DIXDC1: variants seen among roughly 807,000 people sequenced by gnomAD.
The protein encoded by DIXDC1 is DIX domain containing 1.
Under a neutral mutation model 103.1 loss-of-function variants are expected in DIXDC1, and 64 were observed. That is an observed-to-expected ratio of 0.62 (90% confidence interval 0.51 to 0.76). The LOEUF (loss-of-function observed/expected upper bound fraction) is 0.76, where lower values mean the gene tolerates loss of function less well. DIXDC1 is among the 30% of genes least tolerant of loss of function. DIXDC1 has a pLI of 0.00. For synonymous variants in DIXDC1, 266 were observed against 298.5 expected (o/e 0.89, Z 1.12); for missense variants, 759 against 834.2 (o/e 0.91, Z 1.11).
rs114428192 is a variant in DIXDC1, at chr11:112,016,758, C to T, written c.1824C>T (p.Asp608=). 2.1e-3 allele frequency: 3,455 copies of T among 1,609,598 alleles called. 49 individuals are homozygous for T. The African/African-American group carries it at 0.036, about 17-fold the overall frequency. Residue 608 remains aspartate, a synonymous_variant, in exon 18 of 20, where the codon GAC becomes GAT. Transcript: ENST00000440460. ...GTACTAAAGTGCTCTATTTCACTGA[C>T]CGGTCACTTACGCCCTTCATGGTCA... ...STCTKVLYFT[D]RSLTPFMVNI... is the part of the protein sequence containing the mutation.
intron 1 of DIXDC1, among the ~76,000 whole-genome samples, chr11:111,954,078 C>T (rs1966866674): frequency 1.3e-5 from 2 of 152,072 alleles, no homozygotes. Flanking sequence ...GTGATTCACA[C>T]ACATTACATT....
chr11:111,936,847 T>A (rs1345959992), upstream of DIXDC1, among the ~76,000 whole-genome samples: 1 of 98,454 alleles, frequency 1.0e-5, no homozygotes, highest in East Asian at 2.4e-4. Context: ...AAGTTAGCAG[T>A]GTGTGTGTGT....
intron 17 of DIXDC1, among the ~76,000 whole-genome samples, chr11:112,002,053 G>T (rs1477400298): frequency 1.3e-5 from 2 of 152,008 alleles, no homozygotes; most frequent in Non-Finnish European, 2.9e-5. Context: ...CACTGCGCCT[G>T]GCTTGAGATT....
At position 112,020,145 on chromosome 11, in the gene DIXDC1, T is replaced by C. The variant is rs1237315897; in HGVS notation, c.*1109T>C. The C allele has an allele frequency of 6.6e-6, 1 of 152,472 alleles. No individual in the cohort carries two copies. The highest frequency in any genetic ancestry group is 1.5e-5 in the Non-Finnish European group (1 of 68,032). 9.4% of individuals were successfully genotyped at this position (152,472 alleles called of 1,614,324 possible). On this transcript the variant is annotated 3_prime_UTR_variant, in exon 20 of 20. Transcript: ENST00000440460. ...TCTGGGTAAAAAAAACCTAGAATCATTTCTGATGTGCAACATTGTCAAGTG... is the reference window on the plus strand; with the variant it reads ...TCTGGGTAAAAAAAACCTAGAATCACTTCTGATGTGCAACATTGTCAAGTG...
At position 112,016,775 on chromosome 11, in the gene DIXDC1, T is replaced by A; in HGVS notation, c.1841T>A (p.Phe614Tyr). ...TTCACTGACCGGTCACTTACGCCCT[T>A]CATGGTCAATATACCAAAGAGGTGA... ...LYFTDRSLTP[F>Y]MVNIPKRLEE... The change falls in exon 18 of 20, where the codon TTC (phenylalanine) becomes TAC (tyrosine). Residue 614 changes from phenylalanine (F) to tyrosine (Y), a missense_variant. Transcript: ENST00000440460. 1 of 1,607,476 alleles carries A rather than the reference T, an allele frequency of 6.2e-7. No homozygotes were observed. Among genetic ancestry groups the A allele is most frequent in the Non-Finnish European group, 8.5e-7 (1 of 1,176,298 alleles).
intron 2 of DIXDC1, among the ~76,000 whole-genome samples, chr11:111,967,117 CA>C (rs1859764435): frequency 6.6e-6 from 1 of 150,972 alleles, no homozygotes; most frequent in Non-Finnish European, 1.5e-5. Context: ...GCTGCAGGTT[CA>C]GCCCTCTTAT....
upstream of DIXDC1, among the ~76,000 whole-genome samples, chr11:111,932,376 C>T (rs1276065770): frequency 1.3e-5 from 2 of 150,824 alleles, no homozygotes; most frequent in Non-Finnish European, 3.0e-5. Context: ...TTTAAAACTT[C>T]ATGTGAAAAA....
In DIXDC1 at chr11:111,977,414, A is replaced by C; in HGVS notation, c.656+2431A>C. ...GGAGATGGGTTGAGATGCCCCCGCCAGGGGGGATGCCCGGCACCGTGCGTC... is the reference window on the plus strand; with the variant it reads ...GGAGATGGGTTGAGATGCCCCCGCCCGGGGGGATGCCCGGCACCGTGCGTC... On this transcript the variant is annotated intron_variant, in intron 5 of 19. Coordinates refer to ENST00000440460, the MANE Select transcript of DIXDC1 (RefSeq NM_001037954.4). The surrounding 1 kb of genome is among the most constrained non-coding windows in gnomAD (Gnocchi z 6.1). 1 of 1,158,460 alleles carries C rather than the reference A, an allele frequency of 8.6e-7. No homozygotes were observed. The highest frequency in any genetic ancestry group is 6.6e-5 in the East Asian group (1 of 15,088). The allele number at this position is 1,158,460 out of a possible 1,614,324, so 71.8% of individuals were successfully genotyped here.
intron 17 of DIXDC1, among the ~76,000 whole-genome samples, chr11:111,999,251 T>C (rs1435023236): frequency 6.6e-6 from 1 of 152,206 alleles, no homozygotes; most frequent in African/African-American, 2.4e-5. Flanking sequence ...CATTTACTCT[T>C]AAGGGAAAAC....
chr11:111,994,859 A>G (rs1354968348), intron 14 of DIXDC1, among the ~76,000 whole-genome samples, 160 bp from the exon 15 acceptor site: 3 of 152,222 alleles, frequency 2.0e-5, no homozygotes, highest in Non-Finnish European at 2.9e-5. Context: ...AGGGGAAAAA[A>G]AATCTATACT....
rs1314765225 is a variant in DIXDC1, at chr11:111,974,737, A to G, written c.549-139A>G. ...TTTTTGTCTGCCTTCCCTGCTAGGT[A>G]CCAAGTGTCTTTGAGGCAGGGGTTT... is the stretch of plus-strand genomic sequence containing the variant. On this transcript the variant is annotated intron_variant, in intron 4 of 19. Coordinates refer to ENST00000440460, the MANE Select transcript of DIXDC1 (RefSeq NM_001037954.4). 4.8e-6 allele frequency: 7 copies of G among 1,448,822 alleles called. No individual in the cohort carries two copies. The African/African-American group carries it at 8.5e-5, about 18-fold the overall frequency. The allele number at this position is 1,448,822 out of a possible 1,614,324, so 89.7% of individuals were successfully genotyped here. A position where few individuals can be genotyped will look rare whatever the true frequency, so the allele number is the denominator to read the frequency against.
At chr11:111,948,856 T>A (rs1462690156) in intron 1 of DIXDC1, among the ~76,000 whole-genome samples, 1 of 152,182 alleles carries the variant, frequency 6.6e-6, no homozygotes, top group Non-Finnish European at 1.5e-5. Context: ...GCAGCTCTTT[T>A]CCTCTTCTCT....
rs587702590 is a variant in DIXDC1 at position 111,946,995 on chromosome 11, A to G, written c.60+9436A>G. On this transcript the variant is annotated intron_variant, in intron 1 of 19. Transcript: ENST00000440460. ...GCCTGTTGTATCTTTTTGTCACTGA[A>G]TAATAGACTTGTAAAATGATAGTGT... The G allele has an allele frequency of 6.8e-5, 11 of 160,776 alleles. No homozygotes were observed. In the South Asian group the frequency reaches 1.3e-3, roughly 20 times the overall value. The allele number at this position is 160,776 out of a possible 1,614,324, so 10.0% of individuals were successfully genotyped here. A position where few individuals can be genotyped will look rare whatever the true frequency, so the allele number is the denominator to read the frequency against.
Position 111,977,897 on chromosome 11 carries a change from A to T in DIXDC1, c.657-2840A>T. On this transcript the variant is annotated intron_variant, in intron 5 of 19. Coordinates refer to ENST00000440460, the MANE Select transcript of DIXDC1 (RefSeq NM_001037954.4). The surrounding 1 kb of genome is among the most constrained non-coding windows in gnomAD (Gnocchi z 6.1). ...CGGAGACAGGCGGGGTGGTGGGAGC[A>T]TTATGTTGGGAGGACCGGCTGCTGA... 3 of 1,427,556 alleles carry T rather than the reference A, an allele frequency of 2.1e-6. No homozygotes were observed. The highest frequency in any genetic ancestry group is 2.8e-6 in the Non-Finnish European group (3 of 1,079,122). The allele number at this position is 1,427,556 out of a possible 1,614,324, so 88.4% of individuals were successfully genotyped here.
chr11:111,981,128 C>G (rs1860292733), intron 6 of DIXDC1, among the ~76,000 whole-genome samples: 1 of 151,042 alleles, frequency 6.6e-6, no homozygotes, highest in Non-Finnish European at 1.5e-5. Flanking sequence ...TTGGGGCAGT[C>G]AAAAGCCTTA....
intron 2 of DIXDC1, chr11:111,929,916 T>C (rs1965958618): frequency 1.3e-6 from 2 of 1,535,436 alleles, no homozygotes; most frequent in Non-Finnish European, 1.7e-6. Context: ...CTTCTGTAAG[T>C]TTTTGGTGTA....
At chr11:111,936,315 G>A (rs587758820), upstream of DIXDC1, among the ~76,000 whole-genome samples, 2 of 152,326 alleles carry the variant, frequency 1.3e-5, no homozygotes, top group African/African-American at 4.8e-5. Context: ...AGTTGCAAAT[G>A]ACTAGTATTC....
intron 3 of DIXDC1, among the ~76,000 whole-genome samples, chr11:111,973,093 G>A (rs1408750172): frequency 1.3e-5 from 2 of 151,134 alleles, no homozygotes; most frequent in Admixed American, 6.6e-5. Context: ...CAGGTGAGCC[G>A]GGCGCAGTGG....
At chr11:111,942,964 A>G (rs371530615) in intron 1 of DIXDC1, among the ~76,000 whole-genome samples, 1 of 152,180 alleles carries the variant, frequency 6.6e-6, no homozygotes, top group African/African-American at 2.4e-5. Flanking sequence ...GAACACAAGC[A>G]CTGCGATACC....
Sources: allele counts gnomAD v4.1 joint callset (sites outside exome capture counted in the v4.1 genomes callset), GRCh38; gene constraint gnomAD v4.1.1; non-coding constraint Gnocchi (gnomAD v3.1); transcripts MANE v1.5; gene names NCBI Gene and HGNC (gene_info 2026-07-23, HGNC 2026-07-21).